TPTE: variants seen among roughly 807,000 people sequenced by gnomAD.
The protein encoded by TPTE is putative tyrosine-protein phosphatase TPTE.
TPTE carries 59 observed loss-of-function variants against 84.1 expected under a neutral mutation model. The ratio of observed to expected loss-of-function variants is 0.70; its 90% CI spans 0.57 to 0.87. The LOEUF is 0.87. Ranked by LOEUF, TPTE falls within the 40% of genes least tolerant of loss-of-function variation. The pLI is 0.00. For synonymous variants in TPTE, 130 were observed against 223.5 expected, an observed-to-expected ratio of 0.58 and a Z score of 3.73; for missense variants, 382 against 659.6, an observed-to-expected ratio of 0.58 and a Z score of 4.61.
chr21:10,598,878 T>G (rs1237936230), intron 21 of TPTE, among the ~76,000 whole-genome samples: 1 of 152,306 alleles, frequency 6.6e-6, no homozygotes, highest in Non-Finnish European at 1.5e-5. Flanking sequence ...TGCGCCCGGC[T>G]TTTTTGGCCT....
chr21:10,588,012 C>T (rs1190647837), intron 17 of TPTE, among the ~76,000 whole-genome samples: 1 of 152,312 alleles, frequency 6.6e-6, no homozygotes, highest in African/African-American at 2.4e-5. Flanking sequence ...CCATGCCCGG[C>T]TAATTTTTGT....
At chr21:10,563,085 C>G (rs999684944) in intron 10 of TPTE, among the ~76,000 whole-genome samples, 1 of 152,310 alleles carries the variant, frequency 6.6e-6, no homozygotes, top group African/African-American at 2.4e-5. Flanking sequence ...ACGTTTCAGG[C>G]CAGGAGAGAG....
intron 7 of TPTE, among the ~76,000 whole-genome samples, chr21:10,544,503 GC>G (rs2074429694): frequency 6.6e-6 from 1 of 152,308 alleles, no homozygotes; most frequent in Admixed American, 6.5e-5. Context: ...TCCTGCCTCA[GC>G]CTCCTGAGTA....
intron 3 of TPTE, among the ~76,000 whole-genome samples, chr21:10,537,729 G>A (rs1280892355): frequency 6.6e-6 from 1 of 152,178 alleles, no homozygotes; most frequent in Non-Finnish European, 1.5e-5. Context: ...ATAGATATAA[G>A]GATATATGAA....
At chr21:10,589,609 C>T (rs1010025953) in intron 17 of TPTE, among the ~76,000 whole-genome samples, 5 of 152,308 alleles carry the variant, frequency 3.3e-5, no homozygotes, top group African/African-American at 1.2e-4. Flanking sequence ...ACAAAGTCTC[C>T]AAGTCTCTTC....
At chr21:10,532,531 A>AT (rs1173990095) in intron 3 of TPTE, among the ~76,000 whole-genome samples, 1 of 152,300 alleles carries the variant, frequency 6.6e-6, no homozygotes, top group African/African-American at 2.4e-5. Flanking sequence ...TTGCTTCCTT[A>AT]TTACTCCATA....
At chr21:10,572,915 A>G (rs537726243) in intron 14 of TPTE, among the ~76,000 whole-genome samples, 11 of 152,380 alleles carry the variant, frequency 7.2e-5, no homozygotes, top group African/African-American at 2.6e-4. Context: ...AAAAAGGTGA[A>G]GAAAAGAACA....
intron 7 of TPTE, among the ~76,000 whole-genome samples, chr21:10,549,738 G>A (rs2074538311): frequency 6.6e-6 from 1 of 152,308 alleles, no homozygotes; most frequent in African/African-American, 2.4e-5. Flanking sequence ...ATTCCAGAAG[G>A]AAAAGAGTAG....
intron 8 of TPTE, among the ~76,000 whole-genome samples, chr21:10,554,251 C>T (rs1341665810): frequency 3.9e-5 from 6 of 152,304 alleles, no homozygotes; most frequent in Admixed American, 3.9e-4. Flanking sequence ...TATTGCTGAA[C>T]AATTCAGTTT....
intron 1 of TPTE, among the ~76,000 whole-genome samples, chr21:10,524,235 G>T (rs1490645207): frequency 3.3e-5 from 5 of 152,308 alleles, no homozygotes; most frequent in Non-Finnish European, 7.3e-5. Context: ...TTCATCAGGA[G>T]AATTAAAATC....
At chr21:10,548,251 G>A (rs1413650264) in intron 7 of TPTE, among the ~76,000 whole-genome samples, 2 of 152,304 alleles carry the variant, frequency 1.3e-5, no homozygotes, top group Non-Finnish European at 2.9e-5. Context: ...CCAGCTTGAG[G>A]AACAGCCCTT....
intron 21 of TPTE, among the ~76,000 whole-genome samples, 193 bp from the exon 22 acceptor site, chr21:10,601,865 A>C (rs1255489532): frequency 3.3e-5 from 5 of 152,298 alleles, no homozygotes; most frequent in Admixed American, 2.0e-4. Context: ...AACAAAAAGC[A>C]AATGTAAACA....
chr21:10,561,421 G>A (rs2074801755), intron 10 of TPTE, among the ~76,000 whole-genome samples: 1 of 152,246 alleles, frequency 6.6e-6, no homozygotes, highest in African/African-American at 2.4e-5. Flanking sequence ...GAACCTGGGA[G>A]GCAGAAGTTG....
intron 23 of TPTE, 116 bp from the exon 24 acceptor site, chr21:10,605,301 G>GTTC: frequency 3.6e-6 from 5 of 1,381,930 alleles, no homozygotes; most frequent in East Asian, 2.5e-5. Context: ...AAGGGCTGAG[G>GTTC]TTCTATTCAT....
At chr21:10,564,410 C>T (rs1243745352) in intron 10 of TPTE, among the ~76,000 whole-genome samples, 5 of 152,232 alleles carry the variant, frequency 3.3e-5, no homozygotes, top group Admixed American at 1.3e-4. Context: ...CTCATGAGGC[C>T]GAGGCCGGAG....
At chr21:10,533,679 C>T (rs572482643) in intron 3 of TPTE, among the ~76,000 whole-genome samples, 22 of 152,408 alleles carry the variant, frequency 1.4e-4, no homozygotes, top group Admixed American at 3.3e-4. Flanking sequence ...AAATCTAGGA[C>T]GTAAGCTGTG....
intron 20 of TPTE, among the ~76,000 whole-genome samples, chr21:10,596,570 T>C (rs1314093287): frequency 1.9e-4 from 29 of 152,328 alleles, no homozygotes; most frequent in African/African-American, 7.0e-4. Flanking sequence ...CCCTCTCTCC[T>C]CCATCTGTAA....
chr21:10,533,805 G>T (rs2074222487), intron 3 of TPTE, among the ~76,000 whole-genome samples: 1 of 152,308 alleles, frequency 6.6e-6, no homozygotes, highest in Non-Finnish European at 1.5e-5. Context: ...AAAAGCTTTA[G>T]ACAAGGTAAA....
chr21:10,600,136 T>C (rs2075661657), intron 21 of TPTE, among the ~76,000 whole-genome samples: 2 of 144,286 alleles, frequency 1.4e-5, no homozygotes, highest in African/African-American at 5.7e-5. Context: ...ATTTTTTTCT[T>C]TTTCTTTTTT....
Sources: gnomAD v4.1 joint callset for allele counts (sites outside exome capture counted in the v4.1 genomes callset) on GRCh38, gnomAD v4.1.1 for gene constraint, MANE v1.5 for transcripts, NCBI Gene and HGNC (gene_info 2026-07-23, HGNC 2026-07-21) for gene names.